YIF1A: variants seen among roughly 807,000 people sequenced by gnomAD.
The protein encoded by YIF1A is Yip1 interacting factor homolog A, membrane trafficking protein, also known as protein YIF1A.
Under a neutral mutation model 32.6 loss-of-function variants are expected in YIF1A, and 28 were observed. The ratio of observed to expected loss-of-function variants is 0.86; its 90% CI spans 0.64 to 1.18. The LOEUF (loss-of-function observed/expected upper bound fraction) is 1.18. Ranked by LOEUF, YIF1A falls within the 50% of genes most tolerant of loss-of-function variation. The pLI is 0.00. For synonymous variants in YIF1A, 175 were observed against 162.2 expected, an observed-to-expected ratio of 1.08 and a Z score of -0.60; for missense variants, 373 against 390.8, an observed-to-expected ratio of 0.95 and a Z score of 0.38.
At chr11:66,285,825 G>C in intron 4 of YIF1A, 67 bp from the exon 5 acceptor site, 8 of 1,555,518 alleles carry the variant, frequency 5.1e-6, no homozygotes, top group Non-Finnish European at 7.0e-6. Context: ...CTAGGCATTC[G>C]GGTTCACCGA....
rs906266963 is a variant in YIF1A at position 66,287,886 on chromosome 11, T to C, written c.274A>G (p.Lys92Glu). 1.2e-6 allele frequency: 2 copies of C among 1,613,768 alleles called. No homozygotes were observed. The change falls in exon 3 of 8, where the codon AAG becomes GAG. Residue 92 changes from lysine to glutamate, a missense_variant. By Grantham distance (56) the Lys-to-Glu change is moderately conservative. Coordinates refer to ENST00000376901, the MANE Select transcript of YIF1A (RefSeq NM_020470.3). Reference protein sequence around the residue: ...LHRFVSVSKLKYFFAVDTAYV... With the variant: ...LHRFVSVSKLEYFFAVDTAYV... ...GCTGTGTCCACAGCAAAAAAATACT[T>C]GAGTTTGCTCACAGACACAAAACGG...
intron 1 of YIF1A, 22 bp downstream of exon 1, chr11:66,288,933 G>GCCGCT (rs1182685913): frequency 6.8e-7 from 1 of 1,478,254 alleles, no homozygotes; most frequent in South Asian, 1.3e-5. Context: ...GCCGCGCCGC[G>GCCGCT]CCCCGCCCGC....
Position 66,284,854 on chromosome 11 carries a change from G to C in YIF1A, c.735+19C>G, listed in dbSNP as rs750031717. 8 of 1,613,004 alleles carry C rather than the reference G, an allele frequency of 5.0e-6. No homozygotes were observed. The highest frequency in any genetic ancestry group is 3.3e-5 in the Admixed American group (2 of 60,010). On this transcript the variant is annotated intron_variant, in intron 7 of 7. Coordinates refer to ENST00000376901, the MANE Select transcript of YIF1A (RefSeq NM_020470.3). ...CCCTCAAGTGAAGGCAGGGGAATGG[G>C]GGGGTGCACCAGACTCACAATGAAG...
chr11:66,287,412 T>C, intron 4 of YIF1A, 186 bp downstream of exon 4: 1 of 658,104 alleles, frequency 1.5e-6, no homozygotes. Context: ...TGAAGGCGCA[T>C]TCAGGAAGCT....
chr11:66,285,767 T>A lies in YIF1A; in HGVS notation c.428-9A>T. The A allele has an allele frequency of 6.2e-7, 1 of 1,612,390 alleles. No individual in the cohort carries two copies. Among genetic ancestry groups the A allele is most frequent in the Non-Finnish European group, 8.5e-7 (1 of 1,179,764 alleles). On this transcript the variant is annotated splice_polypyrimidine_tract_variant and intron_variant, in intron 4 of 7. Coordinates refer to ENST00000376901, the MANE Select transcript of YIF1A (RefSeq NM_020470.3). ...AGTAATGAAGGCCATCGCTGCCAAG[T>A]GCCAGAGAGATGCCATCAGCTTGGC... is the stretch of plus-strand genomic sequence containing the variant.
At chr11:66,288,569 C>A (rs1304393287) in intron 1 of YIF1A, among the ~76,000 whole-genome samples, 1 of 152,222 alleles carries the variant, frequency 6.6e-6, no homozygotes, top group East Asian at 1.9e-4. Context: ...TGGAAGTGAC[C>A]TCTGAACTGA....
rs756594089 is a variant in YIF1A at position 66,287,610 on chromosome 11, G to C, written c.415C>G (p.Leu139Val). Residue 139 changes from leucine to valine, a missense_variant, in exon 4 of 8, where the codon CTC (leucine) becomes GTC (valine). By Grantham distance (32) the Leu-to-Val change is conservative. Coordinates refer to ENST00000376901, the MANE Select transcript of YIF1A (RefSeq NM_020470.3). Reference protein sequence around the residue: ...PPRQDLNAPDLYIPTMAFITY... With the variant: ...PPRQDLNAPDVYIPTMAFITY... ...GTTGGAGACTCACTGGGGATATAGA[G>C]GTCAGGGGCGTTGAGGTCTTGCCGG... 1 of 1,613,440 alleles carries C rather than the reference G, an allele frequency of 6.2e-7. No individual in the cohort carries two copies. The highest frequency in any genetic ancestry group is 8.5e-7 in the Non-Finnish European group (1 of 1,179,916).
intron 1 of YIF1A, 49 bp from the exon 2 acceptor site, chr11:66,288,341 G>C: frequency 6.2e-7 from 1 of 1,608,430 alleles, no homozygotes; most frequent in Non-Finnish European, 8.5e-7. Context: ...CCAAGCATGA[G>C]CCCAAACCAC....
Position 66,284,636 on chromosome 11 carries a change from G to T in YIF1A, c.*1C>A. On this transcript the variant is annotated 3_prime_UTR_variant, in exon 8 of 8. Coordinates refer to ENST00000376901, the MANE Select transcript of YIF1A (RefSeq NM_020470.3). ...ACTCAGTGCCATCTGGGGCCAGGGG[G>T]TCACCGGACCAGGTGGAAAGTCAGC... 6.2e-7 allele frequency: 1 copy of T among 1,612,710 alleles called. No individual in the cohort carries two copies. The highest frequency in any genetic ancestry group is 8.5e-7 in the Non-Finnish European group (1 of 1,179,866).
chr11:66,285,642 G>T (rs1857344469), intron 5 of YIF1A, 59 bp downstream of exon 5: 2 of 1,611,860 alleles, frequency 1.2e-6, no homozygotes, highest in Non-Finnish European at 1.7e-6. Context: ...ATATGCCCTA[G>T]GGAGGTTGGG....
intron 6 of YIF1A, 166 bp downstream of exon 6, chr11:66,285,215 G>T: frequency 8.7e-7 from 1 of 1,144,260 alleles, no homozygotes; most frequent in Non-Finnish European, 1.2e-6. Context: ...CCCAACCTCT[G>T]CATGGCACGC....
At chr11:66,288,922 G>GGCCGC (rs1388486581) in intron 1 of YIF1A, 33 bp downstream of exon 1, 41 of 1,464,102 alleles carry the variant, frequency 2.8e-5, no homozygotes, top group Non-Finnish European at 3.6e-5. Context: ...TCCCCCCGCC[G>GGCCGC]GCCGCGCCGC....
In YIF1A at chr11:66,284,905, C is replaced by G; in HGVS notation, c.703G>C (p.Ala235Pro). 6.2e-7 allele frequency: 1 copy of G among 1,613,344 alleles called. No individual in the cohort carries two copies. Among genetic ancestry groups the G allele is most frequent in the Non-Finnish European group, 8.5e-7 (1 of 1,180,002 alleles). ...FGSDGYYVAL[A>P]WTSSALMYFI... ...TACATGAGCGCCGATGAGGTCCAGG[C>G]CAGCGCCACGTAGTAGCCATCGCTG... is the stretch of plus-strand genomic sequence containing the variant. Residue 235 changes from alanine (A) to proline (P), a missense_variant, in exon 7 of 8, where the codon GCC (alanine) becomes CCC (proline). By Grantham distance (27) the Ala-to-Pro change is conservative (BLOSUM62 -1). Transcript: ENST00000376901.
chr11:66,285,113 A>G (rs1857333262), intron 6 of YIF1A, 147 bp from the exon 7 acceptor site: 1 of 936,836 alleles, frequency 1.1e-6, no homozygotes, highest in Non-Finnish European at 1.6e-6. Context: ...CCAGACCCCA[A>G]AGGGATATGG....
In YIF1A at chr11:66,285,698, G is replaced by T; in HGVS notation, c.485+3C>A. On this transcript the variant is annotated splice_donor_region_variant and intron_variant, in intron 5 of 7. Coordinates refer to ENST00000376901, the MANE Select transcript of YIF1A (RefSeq NM_020470.3). ...GAGGGTAAGGGAGGGGCTTGGCACT[G>T]ACCTTTTCTGAATGCCCAGTGCCAT... is the stretch of plus-strand genomic sequence containing the variant. 6.2e-7 allele frequency: 1 copy of T among 1,613,280 alleles called. No individual in the cohort carries two copies. The highest frequency in any genetic ancestry group is 1.1e-5 in the South Asian group (1 of 91,054).
intron 1 of YIF1A, 89 bp from the exon 2 acceptor site, chr11:66,288,381 C>A: frequency 6.5e-7 from 1 of 1,528,408 alleles, no homozygotes; most frequent in Non-Finnish European, 9.0e-7. Context: ...CAGCCCTGCA[C>A]GGGTCCTGGA....
rs550385519 is a variant in YIF1A, at chr11:66,284,770, C to T, written c.749G>A (p.Arg250Gln). The T allele has an allele frequency of 5.6e-6, 9 of 1,611,512 alleles. No homozygotes were observed. The highest frequency in any genetic ancestry group is 1.1e-5 in the South Asian group (1 of 91,054). Reference sequence around the variant, plus strand: ...GCTGTCGGGGCCCAGGGCTGCTGTCCGCAAAGAGCGCACCTGGAAGAAAGG... The same window carrying T: ...GCTGTCGGGGCCCAGGGCTGCTGTCTGCAAAGAGCGCACCTGGAAGAAAGG... The part of the protein sequence containing the change: ...ALMYFIVRSL[R>Q]TAALGPDSMG... The change falls in exon 8 of 8, where the codon CGG (arginine) becomes CAG (glutamine). Residue 250 changes from arginine (R) to glutamine (Q), a missense_variant. Arg to Gln is a conservative substitution (Grantham distance 43, BLOSUM62 1). Transcript: ENST00000376901.
At chr11:66,288,333 A>C (rs762971046) in intron 1 of YIF1A, 41 bp from the exon 2 acceptor site, 24 of 1,611,404 alleles carry the variant, frequency 1.5e-5, no homozygotes, top group East Asian at 4.5e-5. Flanking sequence ...CAGAAATACC[A>C]AGCATGAGCC....
chr11:66,288,957 TG>T lies in YIF1A; in HGVS notation c.28del (p.His10ThrfsTer79). The T allele has an allele frequency of 6.4e-7, 1 of 1,551,972 alleles. No individual in the cohort carries two copies. The highest frequency in any genetic ancestry group is 1.2e-5 in the South Asian group (1 of 84,926). MAYHSGYGA[H>X]GSKHRARAAP... Reference sequence around the variant, plus strand: ...CGCCCCGCCCGCGCCCCACGCACCGTGGGCTCCGTAGCCCGAGTGATAAGCC... The same window carrying T: ...CGCCCCGCCCGCGCCCCACGCACCGTGGCTCCGTAGCCCGAGTGATAAGCC... On this transcript the variant is annotated frameshift_variant, in exon 1 of 8. Coordinates refer to ENST00000376901, the MANE Select transcript of YIF1A (RefSeq NM_020470.3). LOFTEE classifies it high-confidence loss of function.
Sources: gnomAD v4.1 joint callset for allele counts (sites outside exome capture counted in the v4.1 genomes callset) on GRCh38, gnomAD v4.1.1 for gene constraint, MANE v1.5 for transcripts, NCBI Gene and HGNC (gene_info 2026-07-23, HGNC 2026-07-21) for gene names.